Variants in TMEM117 observed in about 807,000 individuals in gnomAD.
The protein encoded by TMEM117 is transmembrane protein 117.
In TMEM117, 27 loss-of-function variants were observed where a neutral mutation model predicts 52.4. That is an observed-to-expected ratio of 0.51 (90% confidence interval 0.38 to 0.71). TMEM117 has a LOEUF of 0.71. TMEM117 is among the 30% of genes least tolerant of loss of function. The pLI, the probability that TMEM117 is intolerant of heterozygous loss-of-function variation, is 0.00. For missense variants in TMEM117, 556 were observed against 630.5 expected (o/e 0.88, Z 1.26); for synonymous variants, 215 against 206.3 (o/e 1.04, Z -0.36).
chr12:44,318,116 G>T (rs74865405), intron 6 of TMEM117, among the ~76,000 whole-genome samples: 1 of 152,146 alleles, frequency 6.6e-6, no homozygotes, highest in East Asian at 1.9e-4. Flanking sequence ...ATAGGGGGCC[G>T]TACTGCACCA....
intron 4 of TMEM117, among the ~76,000 whole-genome samples, chr12:44,184,017 G>A (rs1322984117): frequency 6.6e-6 from 1 of 152,292 alleles, no homozygotes; most frequent in Admixed American, 6.5e-5. Context: ...GGACTTTGCA[G>A]ATGGAATTCA....
rs1320383305 is a variant in TMEM117 at position 44,171,038 on chromosome 12, C to T, written c.510+27414C>T. Among the ~76,000 whole-genome samples, 150 of 131,746 alleles carry T rather than the reference C, an allele frequency of 1.1e-3. 4 individuals are homozygous for T. The South Asian group carries it at 0.017, about 15-fold the overall frequency. 86.4% of individuals were successfully genotyped at this position (131,746 alleles called of 152,430 possible). ...CTTTTTTTTTTTTTTTTTTTTGAGACGGAGTCTCGCTCTGTCGCCCAGGCT... is the reference window on the plus strand; with the variant it reads ...CTTTTTTTTTTTTTTTTTTTTGAGATGGAGTCTCGCTCTGTCGCCCAGGCT... On this transcript the variant is annotated intron_variant, in intron 4 of 7. Transcript: ENST00000266534.
intron 3 of TMEM117, among the ~76,000 whole-genome samples, chr12:44,004,823 A>G (rs765676363): frequency 5.3e-5 from 8 of 152,174 alleles, no homozygotes; most frequent in Non-Finnish European, 1.2e-4. Flanking sequence ...CAGTATACCT[A>G]GCTGAGTTGG....
At chr12:43,984,825 G>C (rs928839209) in intron 3 of TMEM117, among the ~76,000 whole-genome samples, 4 of 152,042 alleles carry the variant, frequency 2.6e-5, no homozygotes, top group African/African-American at 9.7e-5. Flanking sequence ...TGGAACGTTT[G>C]TTTTAAAATC....
intron 3 of TMEM117, among the ~76,000 whole-genome samples, chr12:44,059,995 C>G (rs943782971): frequency 1.3e-5 from 2 of 152,138 alleles, no homozygotes; most frequent in African/African-American, 4.8e-5. Context: ...CAAACTATCC[C>G]AAGTACCTTG....
At chr12:44,088,407 C>T (rs1392389746) in intron 3 of TMEM117, among the ~76,000 whole-genome samples, 1 of 152,186 alleles carries the variant, frequency 6.6e-6, no homozygotes, top group East Asian at 1.9e-4. Flanking sequence ...AAGTGATTGT[C>T]TCACTCAACT....
intron 2 of TMEM117, among the ~76,000 whole-genome samples, chr12:43,867,457 C>T (rs1943622589): frequency 6.6e-6 from 1 of 152,134 alleles, no homozygotes; most frequent in East Asian, 1.9e-4. Context: ...GGATAAACAG[C>T]AAAGTGGTAG....
the TMEM117 span, chr12:43,805,856 C>T: frequency 7.1e-7 from 1 of 1,417,026 alleles, no homozygotes. Flanking sequence ...GTACTGAAGC[C>T]CCAGTCGCCT....
chr12:43,875,220 A>AGTGTGT (rs63614060), intron 2 of TMEM117, among the ~76,000 whole-genome samples: 2 of 148,146 alleles, frequency 1.4e-5, no homozygotes, highest in African/African-American at 5.0e-5. Flanking sequence ...ATGGTGGGGA[A>AGTGTGT]GTGTGTGTGT....
At chr12:44,350,417 A>G (rs1035259294) in intron 6 of TMEM117, among the ~76,000 whole-genome samples, 2 of 151,990 alleles carry the variant, frequency 1.3e-5, no homozygotes, top group Non-Finnish European at 2.9e-5. Flanking sequence ...TTTTTTAGTT[A>G]TTTCAAAAGG....
At chr12:44,079,282 T>C (rs563087569) in intron 3 of TMEM117, among the ~76,000 whole-genome samples, 11 of 152,150 alleles carry the variant, frequency 7.2e-5, no homozygotes, top group Non-Finnish European at 1.0e-4. Flanking sequence ...CTTGAGGAAT[T>C]GCCACACTGT....
At chr12:44,209,975 C>T (rs562025528) in intron 4 of TMEM117, among the ~76,000 whole-genome samples, 9 of 152,210 alleles carry the variant, frequency 5.9e-5, no homozygotes, top group Admixed American at 4.6e-4. Flanking sequence ...CACTGAATCA[C>T]AATCTTTCAT....
chr12:44,228,215 C>G (rs1240149889), intron 5 of TMEM117, among the ~76,000 whole-genome samples: 1 of 151,530 alleles, frequency 6.6e-6, no homozygotes, highest in Non-Finnish European at 1.5e-5. Flanking sequence ...GCAAGAAGAC[C>G]AATTAGGAAA....
chr12:44,206,118 A>AT (rs920446570), intron 4 of TMEM117, among the ~76,000 whole-genome samples: 2 of 152,084 alleles, frequency 1.3e-5, no homozygotes, highest in East Asian at 3.9e-4. Context: ...TTATTTTATT[A>AT]TTTTTTTATT....
intron 4 of TMEM117, among the ~76,000 whole-genome samples, chr12:44,148,108 A>G (rs935340919): frequency 1.2e-4 from 18 of 152,214 alleles, no homozygotes; most frequent in African/African-American, 3.6e-4. Context: ...ATTTATGTAT[A>G]TGTGCCACTA....
At position 43,895,943 on chromosome 12, in the gene TMEM117, A is replaced by G. The variant is rs1295142260; in HGVS notation, c.278-48267A>G. Among the ~76,000 whole-genome samples the G allele has an allele frequency of 1.3e-3, 198 of 152,110 alleles. 5 individuals carry two copies. The highest frequency in any genetic ancestry group is 1.6e-4 in the Non-Finnish European group (11 of 68,030). On this transcript the variant is annotated intron_variant, in intron 2 of 7. Coordinates refer to ENST00000266534, the MANE Select transcript of TMEM117 (RefSeq NM_032256.3). ...AGGCTGTAAGACTCAGCAAATCTGCAATTTCATTTTCTCCTGCCTGCTTTA... is the reference window on the plus strand; with the variant it reads ...AGGCTGTAAGACTCAGCAAATCTGCGATTTCATTTTCTCCTGCCTGCTTTA...
At chr12:44,098,530 G>C (rs1038538016) in intron 3 of TMEM117, among the ~76,000 whole-genome samples, 7 of 151,966 alleles carry the variant, frequency 4.6e-5, no homozygotes, top group African/African-American at 1.7e-4. Flanking sequence ...TGAGGGCTTT[G>C]GTCCTGGTGA....
intron 3 of TMEM117, among the ~76,000 whole-genome samples, chr12:44,043,821 G>T (rs1028623276): frequency 6.6e-6 from 1 of 152,192 alleles, no homozygotes; most frequent in East Asian, 1.9e-4. Context: ...TGGAGAACAG[G>T]CATGGGAATG....
intron 2 of TMEM117, among the ~76,000 whole-genome samples, chr12:43,882,483 A>G (rs918665857): frequency 6.6e-6 from 1 of 151,244 alleles, no homozygotes; most frequent in Admixed American, 6.6e-5. Context: ...AAAAAGAAAT[A>G]TTATGTTTAT....
Sources: allele counts gnomAD v4.1 joint callset (sites outside exome capture counted in the v4.1 genomes callset), GRCh38; gene constraint gnomAD v4.1.1; transcripts MANE v1.5; gene names NCBI Gene and HGNC (gene_info 2026-07-23, HGNC 2026-07-21).